WDR35: variants seen among roughly 807,000 people sequenced by gnomAD.
WDR35 encodes WD repeat-containing protein 35.
In WDR35, 118 loss-of-function variants were observed where a neutral mutation model predicts 158.3. The observed-to-expected ratio is 0.75, with a 90% CI of 0.64 to 0.87. The LOEUF is 0.87. Among genes scored for constraint, WDR35 ranks in the 40% least tolerant of loss-of-function variants. The pLI, the probability that WDR35 is intolerant of heterozygous loss-of-function variation, is 0.00. For synonymous variants in WDR35, 448 were observed against 476.1 expected, an observed-to-expected ratio of 0.94 and a Z score of 0.77; for missense variants, 1,263 against 1,405.8, an observed-to-expected ratio of 0.90 and a Z score of 1.62.
intron 10 of WDR35, 30 bp downstream of exon 10, chr2:19,966,694 C>A (rs1343669196): frequency 6.2e-7 from 1 of 1,611,312 alleles, no homozygotes; most frequent in Non-Finnish European, 8.5e-7. Context: ...GTTAGCCCAG[C>A]TATGTCTTAA....
At position 19,990,030 on chromosome 2, in the gene WDR35, G is replaced by A. The variant is rs765630424; in HGVS notation, c.-15C>T. On this transcript the variant is annotated 5_prime_UTR_variant, in exon 1 of 27. Coordinates refer to ENST00000281405, the MANE Select transcript of WDR35 (RefSeq NM_020779.4). ...TAGAAGAACATCGTGGGATCCCCGA[G>A]AGGGTCACGGCGGCCGCTAAGGCCC... The A allele has an allele frequency of 9.9e-6, 16 of 1,613,692 alleles. No homozygotes were observed. The Admixed American group carries it at 2.3e-4, about 24-fold the overall frequency.
chr2:19,987,385 C>T (rs959918371), intron 2 of WDR35, among the ~76,000 whole-genome samples: 4 of 152,130 alleles, frequency 2.6e-5, no homozygotes, highest in African/African-American at 9.7e-5. Flanking sequence ...TTTTCCAAAC[C>T]TCCCAAGAAT....
intron 16 of WDR35, among the ~76,000 whole-genome samples, chr2:19,945,099 A>G (rs1671005231): frequency 6.6e-6 from 1 of 152,126 alleles, no homozygotes; most frequent in African/African-American, 2.4e-5. Context: ...ATTATTTTGT[A>G]TTTCCTAAAT....
chr2:19,916,647 C>T (rs541423432), intron 25 of WDR35, among the ~76,000 whole-genome samples: 47 of 152,336 alleles, frequency 3.1e-4, no homozygotes, highest in Middle Eastern at 3.4e-3. Flanking sequence ...GCGGAGCCCA[C>T]CCCAGCTCAG....
chr2:19,918,198 AT>A (rs1476742373), intron 25 of WDR35, among the ~76,000 whole-genome samples: 1 of 151,844 alleles, frequency 6.6e-6, no homozygotes, highest in Non-Finnish European at 1.5e-5. Flanking sequence ...ATGCTGAGAT[AT>A]TTTGTCACCA....
At chr2:19,923,574 C>T (rs572429115) in intron 25 of WDR35, among the ~76,000 whole-genome samples, 65 of 152,312 alleles carry the variant, frequency 4.3e-4, no homozygotes, top group African/African-American at 1.5e-3. Context: ...TATCCTTCTG[C>T]ACCCCCTCAT....
chr2:19,961,592 T>A (rs762111474), intron 10 of WDR35, among the ~76,000 whole-genome samples: 2 of 152,226 alleles, frequency 1.3e-5, no homozygotes, highest in Non-Finnish European at 2.9e-5. Context: ...TTTGCCTGTA[T>A]GATCCTGAAT....
rs200283730 is a variant in WDR35, at chr2:19,932,757, TTA to T, written c.2659-312_2659-311del. Among the ~76,000 whole-genome samples, 1,412 of 152,246 alleles carry T rather than the reference TTA, an allele frequency of 9.3e-3. 43 individuals are homozygous for T. Among genetic ancestry groups the T allele is most frequent in the Admixed American group, 0.056 (854 of 15,286 alleles). ...CTTCAAGCAAGAAAGATACACTTGT[TTA>T]TATGTTATAGTAAAACAAAATATGC... On this transcript the variant is annotated intron_variant, in intron 22 of 26. Coordinates refer to ENST00000281405, the MANE Select transcript of WDR35 (RefSeq NM_020779.4).
intron 17 of WDR35, among the ~76,000 whole-genome samples, chr2:19,940,721 C>T (rs1361845267): frequency 6.6e-6 from 1 of 152,124 alleles, no homozygotes; most frequent in Non-Finnish European, 1.5e-5. Flanking sequence ...CACATAAGCC[C>T]CTATCCATTA....
chr2:19,938,479 G>C, intron 17 of WDR35, 78 bp from the exon 18 acceptor site: 14 of 1,487,408 alleles, frequency 9.4e-6, no homozygotes, highest in Middle Eastern at 2.2e-4. Context: ...TTAAAAACCA[G>C]AACAAAACAA....
intron 25 of WDR35, among the ~76,000 whole-genome samples, chr2:19,914,829 G>A (rs533117243): frequency 3.4e-4 from 51 of 151,890 alleles, no homozygotes; most frequent in African/African-American, 1.2e-3. Flanking sequence ...GTGAAAATGA[G>A]TCTCCAAGTT....
chr2:19,986,185 G>A (rs1216319852), intron 2 of WDR35, among the ~76,000 whole-genome samples: 1 of 152,232 alleles, frequency 6.6e-6, no homozygotes, highest in Admixed American at 6.5e-5. Context: ...GATATTTGCT[G>A]AAATGGAGAG....
intron 25 of WDR35, among the ~76,000 whole-genome samples, chr2:19,927,745 C>A (rs1049488351): frequency 7.9e-5 from 12 of 152,198 alleles, no homozygotes; most frequent in African/African-American, 2.9e-4. Flanking sequence ...TTCAAAGCAT[C>A]CCAGGGACAC....
At chr2:19,946,734 C>CTAATT (rs1205102969) in intron 14 of WDR35, among the ~76,000 whole-genome samples, 164 bp from the exon 15 acceptor site, 1 of 152,126 alleles carries the variant, frequency 6.6e-6, no homozygotes, top group African/African-American at 2.4e-5. Context: ...TATTTACCTA[C>CTAATT]TAATTTAATT....
At chr2:19,985,721 T>TA (rs34506610) in intron 2 of WDR35, among the ~76,000 whole-genome samples, 41,144 of 131,408 alleles carry the variant, frequency 0.31, 6,433 homozygotes, top group East Asian at 0.43. Flanking sequence ...CCGTCTCTAC[T>TA]AAAAAAAAAA....
intron 25 of WDR35, 51 bp downstream of exon 25, chr2:19,930,345 A>T: frequency 6.2e-7 from 1 of 1,612,524 alleles, no homozygotes; most frequent in Non-Finnish European, 8.5e-7. Flanking sequence ...AGCCCTTCAT[A>T]CTCAATTTAT....
chr2:19,928,693 A>G (rs1205616520), intron 25 of WDR35, among the ~76,000 whole-genome samples: 3 of 152,196 alleles, frequency 2.0e-5, no homozygotes, highest in Non-Finnish European at 2.9e-5. Context: ...AAAACTATTA[A>G]TATCATCATC....
intron 17 of WDR35, 84 bp downstream of exon 17, chr2:19,941,675 C>G: frequency 1.9e-6 from 2 of 1,046,192 alleles, no homozygotes; most frequent in Non-Finnish European, 2.9e-6. Context: ...TGGGTCCACA[C>G]TGCTAACCAG....
At chr2:19,957,977 T>G (rs909216816) in intron 11 of WDR35, among the ~76,000 whole-genome samples, 1 of 152,226 alleles carries the variant, frequency 6.6e-6, no homozygotes, top group African/African-American at 2.4e-5. Context: ...AATTCACATA[T>G]AAATAAAACC....
Sources: gnomAD v4.1 joint callset for allele counts (sites outside exome capture counted in the v4.1 genomes callset) on GRCh38, gnomAD v4.1.1 for gene constraint, MANE v1.5 for transcripts, NCBI Gene and HGNC (gene_info 2026-07-23, HGNC 2026-07-21) for gene names.